SEC24D: variants seen among roughly 807,000 people sequenced by gnomAD.
SEC24D encodes the protein protein transport protein Sec24D.
SEC24D carries 69 observed loss-of-function variants against 116.9 expected under a neutral mutation model. The observed-to-expected ratio is 0.59, with a 90% CI of 0.49 to 0.72. The LOEUF is 0.72. Ranked by LOEUF, SEC24D falls within the 30% of genes least tolerant of loss-of-function variation. The probability of loss-of-function intolerance (pLI) is 0.00; values close to 1 mark genes in which losing one functional copy is unlikely to be tolerated. For missense variants in SEC24D, 1,131 were observed against 1,264.1 expected, an observed-to-expected ratio of 0.89 and a Z score of 1.60; for synonymous variants, 405 against 442.8, an observed-to-expected ratio of 0.91 and a Z score of 1.07.
chr4:118,794,572 T>C (rs1287270730), intron 8 of SEC24D, among the ~76,000 whole-genome samples: 1 of 152,204 alleles, frequency 6.6e-6, no homozygotes, highest in African/African-American at 2.4e-5. Context: ...TCCGTCAAGG[T>C]AGAAGTATCT....
intron 8 of SEC24D, among the ~76,000 whole-genome samples, chr4:118,772,705 A>G (rs562084715): frequency 6.6e-6 from 1 of 152,292 alleles, no homozygotes; most frequent in South Asian, 2.1e-4. Flanking sequence ...TCTCCACATT[A>G]GCCATCGTGG....
chr4:118,764,070 T>C (rs192140768), intron 10 of SEC24D, among the ~76,000 whole-genome samples: 20 of 152,278 alleles, frequency 1.3e-4, no homozygotes, highest in Admixed American at 3.9e-4. Flanking sequence ...GATGAACATC[T>C]GGTATAAAGG....
intron 21 of SEC24D, 29 bp from the exon 22 acceptor site, chr4:118,728,679 T>A: frequency 7.6e-7 from 1 of 1,310,744 alleles, no homozygotes. Flanking sequence ...AAAGTTTTAG[T>A]ACAGTTTATA....
rs536584166 is a variant in SEC24D at position 118,803,031 on chromosome 4, C to T, written c.913+2812G>A. Among the ~76,000 whole-genome samples the T allele has an allele frequency of 3.7e-3, 556 of 152,232 alleles. 2 individuals are homozygous for T. Among genetic ancestry groups the T allele is most frequent in the Non-Finnish European group, 6.3e-3 (428 of 68,030 alleles). On this transcript the variant is annotated intron_variant, in intron 7 of 22. Transcript: ENST00000280551. ...TGTATGATTCTCTCAAATGAGGAGC[C>T]TAGAGTAGGCAAACTCATAGAGACA...
chr4:118,763,308 A>G (rs924651116), intron 10 of SEC24D, among the ~76,000 whole-genome samples: 16 of 152,218 alleles, frequency 1.1e-4, no homozygotes, highest in Non-Finnish European at 2.2e-4. Flanking sequence ...ATAATCATAT[A>G]AAGTAGTAAA....
At chr4:118,793,238 C>T (rs1273941412) in intron 8 of SEC24D, among the ~76,000 whole-genome samples, 1 of 151,812 alleles carries the variant, frequency 6.6e-6, no homozygotes, top group African/African-American at 2.4e-5. Flanking sequence ...GAGGCCGAGG[C>T]GGGCGGATCA....
intron 10 of SEC24D, chr4:118,758,601 G>A: frequency 6.6e-6 from 1 of 152,068 alleles, no homozygotes; most frequent in East Asian, 1.9e-4. Context: ...TTAGAAAAGA[G>A]AGCCACAGGC....
At chr4:118,810,073 GCTGT>G (rs1729839488) in intron 6 of SEC24D, among the ~76,000 whole-genome samples, 1 of 47,832 alleles carries the variant, frequency 2.1e-5, no homozygotes, top group African/African-American at 9.9e-5. Flanking sequence ...GTCAGAGGTA[GCTGT>G]GTGTGTGTGT....
At chr4:118,833,770 G>T in intron 1 of SEC24D, 33 bp from the exon 2 acceptor site, 1 of 1,016,168 alleles carries the variant, frequency 9.8e-7, no homozygotes, top group South Asian at 1.4e-5. Flanking sequence ...ATGTTACCAA[G>T]ACAGTTTTAG....
At chr4:118,753,792 T>C (rs1726950770) in intron 11 of SEC24D, among the ~76,000 whole-genome samples, 1 of 152,164 alleles carries the variant, frequency 6.6e-6, no homozygotes, top group Admixed American at 6.6e-5. Flanking sequence ...TGGAGAATAT[T>C]ACATAGTGCT....
rs572183269 is a variant in SEC24D at position 118,797,685 on chromosome 4, C to T, written c.1039G>A (p.Glu347Lys). Residue 347 changes from glutamate to lysine, a missense_variant and splice_region_variant, in exon 8 of 23, where the codon GAG becomes AAG. Coordinates refer to ENST00000280551, the MANE Select transcript of SEC24D (RefSeq NM_014822.4). Reference sequence around the variant, plus strand: ...TTGCTATTATATATCATTCTTACCTCATTTGAAGGAATGGTGGCAAAGGGC... The same window carrying T: ...TTGCTATTATATATCATTCTTACCTTATTTGAAGGAATGGTGGCAAAGGGC... Reference protein sequence around the residue: ...IKPFATIPSNESPLYLVNHGE... With the variant: ...IKPFATIPSNKSPLYLVNHGE... 1 of 1,597,424 alleles carries T rather than the reference C, an allele frequency of 6.3e-7. No individual in the cohort carries two copies. Among genetic ancestry groups the T allele is most frequent in the Admixed American group, 1.7e-5 (1 of 58,142 alleles).
At chr4:118,809,058 C>G (rs1180928021) in intron 6 of SEC24D, among the ~76,000 whole-genome samples, 1 of 151,718 alleles carries the variant, frequency 6.6e-6, no homozygotes, top group African/African-American at 2.4e-5. Flanking sequence ...CCTGCAAGCT[C>G]TGCCTCCCAG....
chr4:118,739,205 G>T lies in SEC24D; in HGVS notation c.2321C>A (p.Ala774Asp), dbSNP rs370217528. 102 of 1,613,500 alleles carry T rather than the reference G, an allele frequency of 6.3e-5. No individual in the cohort carries two copies. The highest frequency in any genetic ancestry group is 3.3e-4 in the Middle Eastern group (2 of 6,078). ...TGTCTCACAGCTCTTATAAAGATCA[G>T]CTAGCTGAGAGCTGCAGTTTAAGCC... is the stretch of plus-strand genomic sequence containing the variant. Reference protein sequence around the residue: ...NLGLNCSSQLADLYKSCETDA... With the variant: ...NLGLNCSSQLDDLYKSCETDA... The change falls in exon 18 of 23, where the codon GCT (alanine) becomes GAT (aspartate). Residue 774 changes from alanine (A) to aspartate (D), a missense_variant. Transcript: ENST00000280551.
At chr4:118,830,944 G>A (rs1730823621) in intron 2 of SEC24D, among the ~76,000 whole-genome samples, 1 of 152,104 alleles carries the variant, frequency 6.6e-6, no homozygotes, top group African/African-American at 2.4e-5. Context: ...GGAGAAAGCA[G>A]GTAGGAAAGC....
Position 118,739,129 on chromosome 4 carries a change from C to T in SEC24D, c.2377+20G>A. ...TTACTAAGCAAGGTTTACTGAACCT[C>T]AGGATTGGCAAAGTGTTACCTGACT... On this transcript the variant is annotated intron_variant, in intron 18 of 22. Transcript: ENST00000280551. 3 of 1,612,264 alleles carry T rather than the reference C, an allele frequency of 1.9e-6. No homozygotes were observed. The highest frequency in any genetic ancestry group is 2.5e-6 in the Non-Finnish European group (3 of 1,178,932).
chr4:118,830,131 C>G (rs910692977), intron 2 of SEC24D, among the ~76,000 whole-genome samples: 5 of 152,152 alleles, frequency 3.3e-5, no homozygotes, highest in African/African-American at 1.2e-4. Flanking sequence ...ACCAAAACAC[C>G]ACAATATGCA....
chr4:118,778,875 G>C (rs1350355782), intron 8 of SEC24D, among the ~76,000 whole-genome samples: 2 of 152,158 alleles, frequency 1.3e-5, no homozygotes, highest in Non-Finnish European at 2.9e-5. Context: ...CTGTGAATGG[G>C]AGTTCACTCA....
At chr4:118,733,919 A>G (rs966912343) in intron 19 of SEC24D, among the ~76,000 whole-genome samples, 1 of 151,988 alleles carries the variant, frequency 6.6e-6, no homozygotes, top group Non-Finnish European at 1.5e-5. Flanking sequence ...CCCAAAGTAC[A>G]TGCCCTTGTG....
At chr4:118,743,552 CAG>C (rs1726343023) in intron 15 of SEC24D, among the ~76,000 whole-genome samples, 1 of 152,098 alleles carries the variant, frequency 6.6e-6, no homozygotes, top group African/African-American at 2.4e-5. Context: ...TTTGTAGAGA[CAG>C]GGTCTTGCTA....
Sources: gnomAD v4.1 joint callset for allele counts (sites outside exome capture counted in the v4.1 genomes callset) on GRCh38, gnomAD v4.1.1 for gene constraint, MANE v1.5 for transcripts, NCBI Gene and HGNC (gene_info 2026-07-23, HGNC 2026-07-21) for gene names.